TRIM26: variants seen among roughly 807,000 people sequenced by gnomAD.
TRIM26 encodes the protein tripartite motif-containing protein 26.
A neutral mutation model predicts 45.5 loss-of-function variants in TRIM26; 16 were observed. The observed-to-expected ratio is 0.35, with a 90% CI of 0.24 to 0.53. The LOEUF (loss-of-function observed/expected upper bound fraction) is 0.53, where lower values mean the gene tolerates loss of function less well. Among genes scored for constraint, TRIM26 ranks in the 20% least tolerant of loss-of-function variants. The probability of loss-of-function intolerance (pLI) is 0.92; values close to 1 mark genes in which losing one functional copy is unlikely to be tolerated. For missense variants in TRIM26, 442 were observed against 691.1 expected, an observed-to-expected ratio of 0.64 and a Z score of 4.04; for synonymous variants, 273 against 290.4, an observed-to-expected ratio of 0.94 and a Z score of 0.61.
At position 30,198,399 on chromosome 6, in the gene TRIM26, C is replaced by T. The variant is rs557809347; in HGVS notation, c.534+30G>A. Reference sequence around the variant, plus strand: ...ACCCTGCCCTACACGGGCGCACCGCCTCAGGGCTTCCTGAAACAGCCTCAC... The same window carrying T: ...ACCCTGCCCTACACGGGCGCACCGCTTCAGGGCTTCCTGAAACAGCCTCAC... On this transcript the variant is annotated intron_variant, in intron 5 of 9. Coordinates refer to ENST00000454678, the MANE Select transcript of TRIM26 (RefSeq NM_003449.5). The surrounding 1 kb of genome is among the most constrained non-coding windows in gnomAD (Gnocchi z 6.3). 68 of 1,612,092 alleles carry T rather than the reference C, an allele frequency of 4.2e-5. 1 individual carries two copies. In the South Asian group the frequency reaches 6.4e-4, roughly 15 times the overall value.
At chr6:30,194,758 G>A (rs1776282382) in intron 6 of TRIM26, among the ~76,000 whole-genome samples, 1 of 152,140 alleles carries the variant, frequency 6.6e-6, no homozygotes, top group Non-Finnish European at 1.5e-5. Context: ...GGGAGGCTGA[G>A]GCAGGAGAAT....
At chr6:30,187,559 GA>G in intron 9 of TRIM26, 1 of 480,292 alleles carries the variant, frequency 2.1e-6, no homozygotes, top group Non-Finnish European at 4.2e-6. Flanking sequence ...GAAATTGGCG[GA>G]AGGTGCTACT....
At position 30,189,667 on chromosome 6, in the gene TRIM26, C is replaced by T; in HGVS notation, c.789-134G>A. The stretch of plus-strand genomic sequence containing the variant: ...TATCCCCAAACAAGTGACAGAAAAA[C>T]AGTGGCCCAAAGACACCAGCTGAAC... On this transcript the variant is annotated intron_variant, in intron 7 of 9. Transcript: ENST00000454678. This position sits in a 1 kb window ranked among gnomAD's most constrained non-coding sequence, Gnocchi z 5.0. 3 of 800,984 alleles carry T rather than the reference C, an allele frequency of 3.7e-6. No homozygotes were observed. Among genetic ancestry groups the T allele is most frequent in the East Asian group, 2.6e-5 (1 of 38,160 alleles). The allele number at this position is 800,984 out of a possible 1,614,324, so 49.6% of individuals were successfully genotyped here. A position where few individuals can be genotyped will look rare whatever the true frequency, so the allele number is the denominator to read the frequency against.
At position 30,189,311 on chromosome 6, in the gene TRIM26, C is replaced by G; in HGVS notation, c.904+107G>C. On this transcript the variant is annotated intron_variant, in intron 8 of 9. Coordinates refer to ENST00000454678, the MANE Select transcript of TRIM26 (RefSeq NM_003449.5). This position sits in a 1 kb window ranked among gnomAD's most constrained non-coding sequence, Gnocchi z 5.0. ...GGATCCATGTCTAAGACAAGAGGCC[C>G]TCAGAAGAGTGAGGATCGACAAGGT... 6.4e-7 allele frequency: 1 copy of G among 1,574,432 alleles called. No homozygotes were observed. Among genetic ancestry groups the G allele is most frequent in the Non-Finnish European group, 8.7e-7 (1 of 1,145,182 alleles).
In TRIM26 at chr6:30,185,176, A is replaced by T. The variant is rs555480731; in HGVS notation, c.*700T>A. 6.6e-6 allele frequency: 1 copy of T among 152,236 alleles called. No homozygotes were observed. Among genetic ancestry groups the T allele is most frequent in the Admixed American group, 6.5e-5 (1 of 15,292 alleles). The allele number at this position is 152,236 out of a possible 1,614,324, so 9.4% of individuals were successfully genotyped here. On this transcript the variant is annotated 3_prime_UTR_variant, in exon 10 of 10. Transcript: ENST00000454678. This position sits in a 1 kb window ranked among gnomAD's most constrained non-coding sequence, Gnocchi z 5.7. ...ATCAGTGATCACAGCTTGTACCCCAAAGCCGTGTATGTCTGGATCCTTCCC... is the reference window on the plus strand; with the variant it reads ...ATCAGTGATCACAGCTTGTACCCCATAGCCGTGTATGTCTGGATCCTTCCC...
At chr6:30,206,942 T>C (rs1777787135) in intron 1 of TRIM26, among the ~76,000 whole-genome samples, 1 of 152,142 alleles carries the variant, frequency 6.6e-6, no homozygotes, top group Non-Finnish European at 1.5e-5. Context: ...TGGGGTGAGG[T>C]GCACCTCCCA....
chr6:30,202,733 T>C (rs1117490), intron 2 of TRIM26, among the ~76,000 whole-genome samples: 35,508 of 152,088 alleles, frequency 0.23, 4,697 homozygotes, highest in African/African-American at 0.35. Context: ...AAGTATGTTA[T>C]AACTGAAAAA....
Position 30,213,302 on chromosome 6 carries a change from C to G in TRIM26, c.-376+3G>C, listed in dbSNP as rs1399698014. The G allele has an allele frequency of 1.3e-5, 2 of 152,408 alleles. No individual in the cohort carries two copies. Among genetic ancestry groups the G allele is most frequent in the Non-Finnish European group, 2.9e-5 (2 of 68,172 alleles). The allele number at this position is 152,408 out of a possible 1,614,324, so 9.4% of individuals were successfully genotyped here. A position where few individuals can be genotyped will look rare whatever the true frequency, so the allele number is the denominator to read the frequency against. ...GTATGTCTCATGTGCACCCCCTACTCACCGGTCCCGAGCTCCGGGCCGCGA... is the reference window on the plus strand; with the variant it reads ...GTATGTCTCATGTGCACCCCCTACTGACCGGTCCCGAGCTCCGGGCCGCGA... On this transcript the variant is annotated splice_donor_region_variant and intron_variant, in intron 1 of 9. Coordinates refer to ENST00000454678, the MANE Select transcript of TRIM26 (RefSeq NM_003449.5).
intron 5 of TRIM26, among the ~76,000 whole-genome samples, chr6:30,197,713 A>T (rs1776638817): frequency 6.6e-6 from 1 of 152,230 alleles, no homozygotes; most frequent in Non-Finnish European, 1.5e-5. Context: ...ACTTTAAATT[A>T]TCACTAGATT....
At position 30,186,091 on chromosome 6, in the gene TRIM26, CGGA is replaced by C. The variant is rs1315339745; in HGVS notation, c.1402_1404del (p.Ser468del). On this transcript the variant is annotated inframe_deletion, in exon 10 of 10. Transcript: ENST00000454678. The surrounding 1 kb of genome is among the most constrained non-coding windows in gnomAD (Gnocchi z 7.4). ...TCGGGGCTGGTGTTGGCCCAGATGC[CGGA>C]GGAGGAGAGGCGCAGCGCCCACACG... 3 of 1,592,440 alleles carry C rather than the reference CGGA, an allele frequency of 1.9e-6. No individual in the cohort carries two copies. Among genetic ancestry groups the C allele is most frequent in the African/African-American group, 2.7e-5 (2 of 74,306 alleles).
At chr6:30,192,075 TGAG>T (rs1775901893) in intron 6 of TRIM26, among the ~76,000 whole-genome samples, 1 of 152,188 alleles carries the variant, frequency 6.6e-6, no homozygotes, top group African/African-American at 2.4e-5. Context: ...GGGCTGGCCC[TGAG>T]GAGAAGAGGC....
chr6:30,204,075 A>T (rs1777473546), intron 2 of TRIM26, among the ~76,000 whole-genome samples: 1 of 152,136 alleles, frequency 6.6e-6, no homozygotes, highest in South Asian at 2.1e-4. Context: ...GTTGTATAGA[A>T]CCATTTGTTT....
At position 30,189,669 on chromosome 6, in the gene TRIM26, G is replaced by A; in HGVS notation, c.789-136C>T. 4 of 772,458 alleles carry A rather than the reference G, an allele frequency of 5.2e-6. No homozygotes were observed. Among genetic ancestry groups the A allele is most frequent in the Non-Finnish European group, 4.2e-6 (2 of 474,836 alleles). 47.9% of individuals were successfully genotyped at this position (772,458 alleles called of 1,614,324 possible). Reference sequence around the variant, plus strand: ...TCCCCAAACAAGTGACAGAAAAACAGTGGCCCAAAGACACCAGCTGAACCA... The same window carrying A: ...TCCCCAAACAAGTGACAGAAAAACAATGGCCCAAAGACACCAGCTGAACCA... On this transcript the variant is annotated intron_variant, in intron 7 of 9. Transcript: ENST00000454678. The surrounding 1 kb of genome is among the most constrained non-coding windows in gnomAD (Gnocchi z 5.0).
At chr6:30,200,088 T>TA (rs1776990363) in intron 3 of TRIM26, among the ~76,000 whole-genome samples, 1 of 152,074 alleles carries the variant, frequency 6.6e-6, no homozygotes, top group Non-Finnish European at 1.5e-5. Flanking sequence ...CTCAGCAACA[T>TA]AGTGAGACCC....
chr6:30,210,268 AC>A (rs1778155125), intron 1 of TRIM26, among the ~76,000 whole-genome samples: 1 of 150,616 alleles, frequency 6.6e-6, no homozygotes, highest in Non-Finnish European at 1.5e-5. Context: ...GCCCCAACTT[AC>A]CCATCCAGCC....
intron 1 of TRIM26, among the ~76,000 whole-genome samples, chr6:30,205,214 C>T (rs1777607025): frequency 6.6e-6 from 1 of 152,120 alleles, no homozygotes; most frequent in Non-Finnish European, 1.5e-5. Context: ...TGCACTCCAG[C>T]CTGGGCAACA....
Position 30,190,225 on chromosome 6 carries a change from T to C in TRIM26, c.766-190A>G. On this transcript the variant is annotated intron_variant, in intron 6 of 9. Coordinates refer to ENST00000454678, the MANE Select transcript of TRIM26 (RefSeq NM_003449.5). This position sits in a 1 kb window ranked among gnomAD's most constrained non-coding sequence, Gnocchi z 4.3. ...AAGAAAACAAACAAAATCGGCACAA[T>C]GACAGAAGCCACAATGGCTGGGAGA... The C allele has an allele frequency of 1.6e-6, 1 of 642,800 alleles. No homozygotes were observed. Among genetic ancestry groups the C allele is most frequent in the Non-Finnish European group, 2.7e-6 (1 of 367,114 alleles). 39.8% of individuals were successfully genotyped at this position (642,800 alleles called of 1,614,324 possible). A position where few individuals can be genotyped will look rare whatever the true frequency, so the allele number is the denominator to read the frequency against.
rs375256384 is a variant in TRIM26, at chr6:30,193,439, C to T, written c.765+3077G>A. Among the ~76,000 whole-genome samples the T allele has an allele frequency of 3.0e-4, 45 of 151,868 alleles. 5 individuals are homozygous for T. The highest frequency in any genetic ancestry group is 2.5e-3 in the East Asian group (13 of 5,166). ...TCGTGATCCGCCTGTCTCGGCCTCACAAAGTGCTGGGATTACAGGTGTGAG... is the reference window on the plus strand; with the variant it reads ...TCGTGATCCGCCTGTCTCGGCCTCATAAAGTGCTGGGATTACAGGTGTGAG... On this transcript the variant is annotated intron_variant, in intron 6 of 9. Coordinates refer to ENST00000454678, the MANE Select transcript of TRIM26 (RefSeq NM_003449.5).
At position 30,186,707 on chromosome 6, in the gene TRIM26, T is replaced by C. The variant is rs537074452; in HGVS notation, c.938-149A>G. On this transcript the variant is annotated intron_variant, in intron 9 of 9. Transcript: ENST00000454678. This position sits in a 1 kb window ranked among gnomAD's most constrained non-coding sequence, Gnocchi z 7.4. ...ATATAACTCAACATCCTTAATTTGG[T>C]ATAAGTGTGACACATTTTCTGGCTT... 8.8e-7 allele frequency: 1 copy of C among 1,132,258 alleles called. No individual in the cohort carries two copies. Among genetic ancestry groups the C allele is most frequent in the Admixed American group, 3.2e-5 (1 of 31,204 alleles). 70.1% of individuals were successfully genotyped at this position (1,132,258 alleles called of 1,614,324 possible). A position where few individuals can be genotyped will look rare whatever the true frequency, so the allele number is the denominator to read the frequency against.
Sources: allele counts gnomAD v4.1 joint callset (sites outside exome capture counted in the v4.1 genomes callset), GRCh38; gene constraint gnomAD v4.1.1; non-coding constraint Gnocchi (gnomAD v3.1); transcripts MANE v1.5; gene names NCBI Gene and HGNC (gene_info 2026-07-23, HGNC 2026-07-21).